Variants in IMMP2L observed in about 807,000 individuals in gnomAD.
IMMP2L encodes inner mitochondrial membrane peptidase subunit 2.
IMMP2L carries 18 observed loss-of-function variants against 19.3 expected under a neutral mutation model. The ratio of observed to expected loss-of-function variants is 0.93; its 90% CI spans 0.64 to 1.38. IMMP2L has a LOEUF of 1.38. IMMP2L is among the 40% of genes most tolerant of loss of function. IMMP2L has a pLI of 0.00. For missense variants in IMMP2L, 233 were observed against 218.2 expected, an observed-to-expected ratio of 1.07 and a Z score of -0.43; for synonymous variants, 76 against 73.0, an observed-to-expected ratio of 1.04 and a Z score of -0.21.
intron 4 of IMMP2L, among the ~76,000 whole-genome samples, chr7:110,959,347 G>C (rs1818691166): frequency 6.6e-6 from 1 of 151,892 alleles, no homozygotes; most frequent in Admixed American, 6.6e-5. Flanking sequence ...GGGACCAGTA[G>C]ACTAAGGGCT....
rs146738308 is a variant in IMMP2L, at chr7:110,768,734, C to T, written c.409-105013G>A. 2.5e-3 allele frequency among the ~76,000 whole-genome samples: 381 copies of T among 152,278 alleles called. 2 individuals are homozygous for T. Among genetic ancestry groups the T allele is most frequent in the African/African-American group, 8.5e-3 (354 of 41,570 alleles). On this transcript the variant is annotated intron_variant, in intron 5 of 5. Transcript: ENST00000405709. ...CTCCAAGCTGAAATAGACATCCCTC[C>T]TTTCTCGTTTTAAGCTTTAGTATCA...
chr7:110,831,657 C>G (rs540975318), intron 5 of IMMP2L, among the ~76,000 whole-genome samples: 14 of 152,212 alleles, frequency 9.2e-5, no homozygotes, highest in South Asian at 2.1e-4. Flanking sequence ...TGAGAGGTTA[C>G]AAATATTTCA....
At chr7:110,929,267 G>A (rs1345698936) in intron 4 of IMMP2L, among the ~76,000 whole-genome samples, 1 of 152,122 alleles carries the variant, frequency 6.6e-6, no homozygotes, top group South Asian at 2.1e-4. Context: ...TGTATCTGTA[G>A]AATGGTTGGC....
chr7:110,807,275 T>C (rs1562988274), intron 5 of IMMP2L, among the ~76,000 whole-genome samples: 1 of 152,040 alleles, frequency 6.6e-6, no homozygotes, highest in Non-Finnish European at 1.5e-5. Context: ...GTTAGCTCCT[T>C]TCGGTCAAAT....
At chr7:111,431,988 G>A (rs1836678823) in intron 3 of IMMP2L, among the ~76,000 whole-genome samples, 1 of 151,746 alleles carries the variant, frequency 6.6e-6, no homozygotes, top group African/African-American at 2.4e-5. Flanking sequence ...ATTCATATTT[G>A]GTAAACCACT....
intron 3 of IMMP2L, among the ~76,000 whole-genome samples, chr7:111,433,993 C>A (rs574709432): frequency 6.6e-6 from 1 of 151,794 alleles, no homozygotes; most frequent in East Asian, 1.9e-4. Flanking sequence ...CCACAGCAAT[C>A]CTAAGCAGAA....
intron 3 of IMMP2L, among the ~76,000 whole-genome samples, chr7:111,067,888 T>C (rs1435827175): frequency 1.3e-5 from 2 of 152,140 alleles, no homozygotes; most frequent in African/African-American, 4.8e-5. Flanking sequence ...TGCATGGTCA[T>C]AGTCTCTAAC....
chr7:111,331,342 C>T (rs1383971568), intron 3 of IMMP2L, among the ~76,000 whole-genome samples: 2 of 151,860 alleles, frequency 1.3e-5, no homozygotes, highest in African/African-American at 4.8e-5. Flanking sequence ...ACAAATATCA[C>T]GTTCTCACTT....
chr7:111,182,498 TG>T (rs1807815784), intron 3 of IMMP2L, among the ~76,000 whole-genome samples: 2 of 151,868 alleles, frequency 1.3e-5, no homozygotes, highest in Admixed American at 1.3e-4. Context: ...GCACTCAGCT[TG>T]GGGTCAAGAT....
At chr7:111,391,926 C>T (rs1377285211) in intron 3 of IMMP2L, 1 of 702,898 alleles carries the variant, frequency 1.4e-6, no homozygotes, top group Admixed American at 2.0e-5. Context: ...TTGTCCTTGA[C>T]CTCAGATATG....
chr7:110,749,457 T>C (rs887125114), intron 5 of IMMP2L, among the ~76,000 whole-genome samples: 2 of 152,186 alleles, frequency 1.3e-5, no homozygotes, highest in African/African-American at 2.4e-5. Flanking sequence ...TTATGTTTAT[T>C]GTGGCACTGT....
chr7:111,008,682 A>T (rs1824579186), intron 3 of IMMP2L, among the ~76,000 whole-genome samples: 1 of 151,960 alleles, frequency 6.6e-6, no homozygotes, highest in East Asian at 1.9e-4. Flanking sequence ...TGCTGACAGG[A>T]ACCTTAGTCA....
intron 5 of IMMP2L, among the ~76,000 whole-genome samples, chr7:110,754,113 C>A (rs1797899150): frequency 6.6e-6 from 1 of 151,902 alleles, no homozygotes; most frequent in East Asian, 1.9e-4. Context: ...ATCAAATAAT[C>A]TATCTATTTT....
chr7:110,908,901 A>G (rs982981200), intron 4 of IMMP2L, among the ~76,000 whole-genome samples: 4 of 152,230 alleles, frequency 2.6e-5, no homozygotes, highest in African/African-American at 9.6e-5. Flanking sequence ...ATACACTCTC[A>G]AGGAACTTTA....
chr7:111,136,102 C>T (rs1802309365), intron 3 of IMMP2L, among the ~76,000 whole-genome samples: 1 of 151,602 alleles, frequency 6.6e-6, no homozygotes, highest in Non-Finnish European at 1.5e-5. Context: ...GATCTCAGCT[C>T]ACTGCAACCT....
At chr7:111,383,691 T>C (rs886134303) in intron 3 of IMMP2L, among the ~76,000 whole-genome samples, 1 of 151,968 alleles carries the variant, frequency 6.6e-6, no homozygotes, top group Non-Finnish European at 1.5e-5. Context: ...AGGTGGAGGA[T>C]TCAATAATCA....
intron 3 of IMMP2L, among the ~76,000 whole-genome samples, chr7:111,183,893 C>A (rs1233509696): frequency 6.6e-6 from 1 of 151,892 alleles, no homozygotes; most frequent in African/African-American, 2.4e-5. Flanking sequence ...CTTTTTAAAA[C>A]CCAGTTGTGC....
chr7:110,993,696 T>C (rs1585639345), intron 3 of IMMP2L, among the ~76,000 whole-genome samples: 2 of 152,176 alleles, frequency 1.3e-5, no homozygotes, highest in East Asian at 1.9e-4. Flanking sequence ...CAACTGGATA[T>C]TGCATTGATA....
intron 3 of IMMP2L, among the ~76,000 whole-genome samples, chr7:111,454,135 T>C (rs1839472771): frequency 6.6e-6 from 1 of 152,042 alleles, no homozygotes; most frequent in Non-Finnish European, 1.5e-5. Context: ...GGGTTTTTGG[T>C]TTTTGTTTTT....
Sources: gnomAD v4.1 joint callset for allele counts (sites outside exome capture counted in the v4.1 genomes callset) on GRCh38, gnomAD v4.1.1 for gene constraint, MANE v1.5 for transcripts, NCBI Gene and HGNC (gene_info 2026-07-23, HGNC 2026-07-21) for gene names.